CDH8: variants seen among roughly 807,000 people sequenced by gnomAD.
CDH8 encodes cadherin-8.
A neutral mutation model predicts 68.1 loss-of-function variants in CDH8; 17 were observed. That is an observed-to-expected ratio of 0.25 (90% CI 0.17 to 0.37). CDH8 has a LOEUF of 0.37. CDH8 is among the 10% of genes least tolerant of loss of function. The pLI, the probability that CDH8 is intolerant of heterozygous loss-of-function variation, is 1.00. For synonymous variants in CDH8, 372 were observed against 365.1 expected (o/e 1.02, Z -0.21); for missense variants, 763 against 999.3 (o/e 0.76, Z 3.19).
chr16:61,794,769 T>C (rs1049857813), intron 7 of CDH8, among the ~76,000 whole-genome samples: 5 of 152,038 alleles, frequency 3.3e-5, no homozygotes, highest in African/African-American at 1.2e-4. Context: ...CACCAACTTT[T>C]CTAACCAAAA....
chr16:61,784,613 C>T (rs957216786), intron 8 of CDH8, among the ~76,000 whole-genome samples: 1 of 140,104 alleles, frequency 7.1e-6, no homozygotes, highest in Admixed American at 7.3e-5. Context: ...GAACTCTCCA[C>T]CCCAAATCAA....
intron 2 of CDH8, among the ~76,000 whole-genome samples, chr16:61,933,647 T>G (rs909863874): frequency 6.6e-6 from 1 of 152,176 alleles, no homozygotes; most frequent in Non-Finnish European, 1.5e-5. Flanking sequence ...ACATATTTAT[T>G]GGGATAAATT....
chr16:61,744,737 A>C (rs1959970194), intron 8 of CDH8, among the ~76,000 whole-genome samples: 1 of 151,386 alleles, frequency 6.6e-6, no homozygotes, highest in Admixed American at 6.6e-5. Flanking sequence ...TAAATATATA[A>C]TTCATATACA....
At chr16:61,946,029 C>T (rs751543607) in intron 2 of CDH8, among the ~76,000 whole-genome samples, 1 of 151,930 alleles carries the variant, frequency 6.6e-6, no homozygotes, top group Non-Finnish European at 1.5e-5. Context: ...TTCAAAACTG[C>T]TATCTGTCAA....
At position 61,821,206 on chromosome 16, in the gene CDH8, G is replaced by A. The variant is rs535377578; in HGVS notation, c.836-93C>T. 127 of 885,382 alleles carry A rather than the reference G, an allele frequency of 1.4e-4. 1 individual carries two copies. The highest frequency in any genetic ancestry group is 2.2e-4 in the Non-Finnish European group (127 of 580,340). The allele number at this position is 885,382 out of a possible 1,614,324, so 54.8% of individuals were successfully genotyped here. On this transcript the variant is annotated intron_variant, in intron 5 of 11. Transcript: ENST00000577390. ...ATCTTTTGGGCACCTCCTTTGTTCTGGGCATTCCTATAGATGCTACCAATA... is the reference window on the plus strand; with the variant it reads ...ATCTTTTGGGCACCTCCTTTGTTCTAGGCATTCCTATAGATGCTACCAATA...
chr16:61,911,912 A>G (rs983807711), intron 2 of CDH8, among the ~76,000 whole-genome samples: 1 of 152,120 alleles, frequency 6.6e-6, no homozygotes, highest in African/African-American at 2.4e-5. Context: ...CCACAGAGGA[A>G]CATTAGATTG....
At chr16:61,831,844 T>G (rs1033810351) in intron 4 of CDH8, among the ~76,000 whole-genome samples, 1 of 151,812 alleles carries the variant, frequency 6.6e-6, no homozygotes, top group Non-Finnish European at 1.5e-5. Flanking sequence ...ACTCCTCTTT[T>G]GAATAAGACT....
intron 4 of CDH8, among the ~76,000 whole-genome samples, chr16:61,834,833 A>G (rs538854014): frequency 3.9e-5 from 6 of 152,104 alleles, no homozygotes; most frequent in East Asian, 3.9e-4. Context: ...AAAATATATT[A>G]TCACATGAAT....
intron 3 of CDH8, among the ~76,000 whole-genome samples, chr16:61,889,908 C>T (rs1222649125): frequency 2.0e-5 from 3 of 152,070 alleles, no homozygotes; most frequent in African/African-American, 7.2e-5. Flanking sequence ...CAATCCTCTA[C>T]CTGTAATACA....
At chr16:61,709,326 G>A (rs1239712072) in intron 10 of CDH8, among the ~76,000 whole-genome samples, 1 of 152,002 alleles carries the variant, frequency 6.6e-6, no homozygotes, top group East Asian at 1.9e-4. Flanking sequence ...CCTGGCTTAA[G>A]GCAGAGGACA....
At chr16:61,835,890 A>G (rs1238586858) in intron 4 of CDH8, among the ~76,000 whole-genome samples, 2 of 151,954 alleles carry the variant, frequency 1.3e-5, no homozygotes, top group Admixed American at 6.6e-5. Context: ...CCTTGGAGTT[A>G]CCTACTAAGA....
rs1491405622 is a variant in CDH8 at position 61,911,631 on chromosome 16, CCA to C, written c.253-10160_253-10159del. ...CTTTATGAATTCCCTAAACCCCCCC[CCA>C]CCACCTCTCTCTCTTTTTCACTCTT... On this transcript the variant is annotated intron_variant, in intron 2 of 11. Transcript: ENST00000577390. 3.9e-3 allele frequency among the ~76,000 whole-genome samples: 568 copies of C among 147,130 alleles called. 1 individual carries two copies. Among genetic ancestry groups the C allele is most frequent in the South Asian group, 0.017 (77 of 4,608 alleles).
chr16:61,697,285 T>C (rs1256046859), intron 10 of CDH8, among the ~76,000 whole-genome samples: 1 of 152,004 alleles, frequency 6.6e-6, no homozygotes, highest in Non-Finnish European at 1.5e-5. Context: ...CAGCATCTTG[T>C]ACAGGAAACA....
chr16:61,960,019 CACAT>C lies in CDH8; in HGVS notation c.253-58550_253-58547del, dbSNP rs1231816645. ...ATATATATATATATATATATATACA[CACAT>C]ACACACACACACACAACATATATGT... On this transcript the variant is annotated intron_variant, in intron 2 of 11. Transcript: ENST00000577390. Among the ~76,000 whole-genome samples the C allele has an allele frequency of 5.8e-4, 17 of 29,246 alleles. 3 individuals carry two copies. Among genetic ancestry groups the C allele is most frequent in the African/African-American group, 2.2e-3 (12 of 5,574 alleles). The allele number at this position is 29,246 out of a possible 152,430, so 19.2% of individuals were successfully genotyped here. A position where few individuals can be genotyped will look rare whatever the true frequency, so the allele number is the denominator to read the frequency against.
At chr16:61,904,821 C>T (rs899005797) in intron 2 of CDH8, among the ~76,000 whole-genome samples, 1 of 152,168 alleles carries the variant, frequency 6.6e-6, no homozygotes, top group Non-Finnish European at 1.5e-5. Context: ...GCTGTTTTTT[C>T]TGCTGCTCTT....
At chr16:61,954,244 A>G (rs965653008) in intron 2 of CDH8, among the ~76,000 whole-genome samples, 12 of 151,850 alleles carry the variant, frequency 7.9e-5, no homozygotes, top group African/African-American at 2.7e-4. Flanking sequence ...AGGAGGAAAA[A>G]CCCATTATAT....
At chr16:61,822,563 C>T (rs1204315487) in intron 5 of CDH8, among the ~76,000 whole-genome samples, 1 of 151,774 alleles carries the variant, frequency 6.6e-6, no homozygotes, top group East Asian at 1.9e-4. Context: ...CTAGCACTAA[C>T]ACCCCTTTAT....
chr16:61,801,596 C>T (rs571216926), intron 7 of CDH8, among the ~76,000 whole-genome samples: 17 of 152,232 alleles, frequency 1.1e-4, no homozygotes, highest in South Asian at 4.1e-4. Flanking sequence ...TGGGCGCAGG[C>T]CAGTGGGTGC....
intron 10 of CDH8, among the ~76,000 whole-genome samples, chr16:61,707,785 C>A (rs188578189): frequency 6.6e-6 from 1 of 152,166 alleles, no homozygotes; most frequent in East Asian, 1.9e-4. Context: ...CACAGACTGA[C>A]AGATCATTTT....
Sources: gnomAD v4.1 joint callset for allele counts (sites outside exome capture counted in the v4.1 genomes callset) on GRCh38, gnomAD v4.1.1 for gene constraint, MANE v1.5 for transcripts, NCBI Gene and HGNC (gene_info 2026-07-23, HGNC 2026-07-21) for gene names.